FLYWCH1: variants seen among roughly 807,000 people sequenced by gnomAD.
The protein encoded by FLYWCH1 is FLYWCH-type zinc finger-containing protein 1.
Under a neutral mutation model 66.4 loss-of-function variants are expected in FLYWCH1, and 75 were observed. The ratio of observed to expected loss-of-function variants is 1.13; its 90% CI spans 0.94 to 1.37. The LOEUF (loss-of-function observed/expected upper bound fraction) is 1.37, where lower values mean the gene tolerates loss of function less well. Among genes scored for constraint, FLYWCH1 ranks in the 40% most tolerant of loss-of-function variants. FLYWCH1 has a pLI of 0.00. For missense variants in FLYWCH1, 1,334 were observed against 1,001.8 expected, an observed-to-expected ratio of 1.33 and a Z score of -4.48; for synonymous variants, 595 against 429.9, an observed-to-expected ratio of 1.38 and a Z score of -4.75.
chr16:2,933,035 G>A, intron 4 of FLYWCH1, 95 bp from the exon 5 acceptor site: 1 of 1,114,786 alleles, frequency 9.0e-7, no homozygotes, highest in South Asian at 1.6e-5. Flanking sequence ...CCTTAAAGGA[G>A]AAAGGCTCGT....
At position 2,930,499 on chromosome 16, in the gene FLYWCH1, G is replaced by A. The variant is rs777892980; in HGVS notation, c.415G>A (p.Val139Met). The A allele has an allele frequency of 1.0e-5, 16 of 1,534,628 alleles. No homozygotes were observed. In the African/African-American group the frequency reaches 2.0e-4, roughly 19 times the overall value. Residue 139 changes from valine to methionine, a missense_variant, in exon 4 of 10, where the codon GTG becomes ATG. Val to Met is a conservative substitution (Grantham distance 21). Coordinates refer to ENST00000253928, the MANE Select transcript of FLYWCH1 (RefSeq NM_001308068.2). ...CTTCCTGTACAAGCAGGAGAAGGCAGTGGGGGACAAGGTGTACTGGAAGTG... is the reference window on the plus strand; with the variant it reads ...CTTCCTGTACAAGCAGGAGAAGGCAATGGGGGACAAGGTGTACTGGAAGTG... Reference protein sequence around the residue: ...ESFLYKQEKAVGDKVYWKCRQ... With the variant: ...ESFLYKQEKAMGDKVYWKCRQ...
At position 2,930,561 on chromosome 16, in the gene FLYWCH1, C is replaced by T. The variant is rs1254533381; in HGVS notation, c.477C>T (p.Ala159=). ...CTGAGCTGGGCTGCCGGGGCCGGGC[C>T]ATCACCCGAGGCCTGCGGGCCACAG... ...QHAELGCRGR[A]ITRGLRATVM... Residue 159 remains alanine, a synonymous_variant, in exon 4 of 10, where the codon GCC becomes GCT. Coordinates refer to ENST00000253928, the MANE Select transcript of FLYWCH1 (RefSeq NM_001308068.2). 1.9e-6 allele frequency: 3 copies of T among 1,553,576 alleles called. No homozygotes were observed. Among genetic ancestry groups the T allele is most frequent in the Non-Finnish European group, 1.7e-6 (2 of 1,152,262 alleles).
At position 2,936,969 on chromosome 16, in the gene FLYWCH1, TGGG is replaced by T. The variant is rs946440961; in HGVS notation, c.1514-148_1514-146del. ...CCAGCAGCTGGAGCCCCAGCAGAGT[TGGG>T]GGGATGGTGGCATCTGTGTCCTGGG... On this transcript the variant is annotated intron_variant, in intron 6 of 9. Coordinates refer to ENST00000253928, the MANE Select transcript of FLYWCH1 (RefSeq NM_001308068.2). 7.2e-6 allele frequency: 7 copies of T among 970,988 alleles called. No homozygotes were observed. The African/African-American group carries it at 9.9e-5, about 14-fold the overall frequency. 60.1% of individuals were successfully genotyped at this position (970,988 alleles called of 1,614,324 possible). A position where few individuals can be genotyped will look rare whatever the true frequency, so the allele number is the denominator to read the frequency against.
chr16:2,913,338 CA>C (rs1174208730), intron 1 of FLYWCH1: 3 of 152,138 alleles, frequency 2.0e-5, no homozygotes, highest in Non-Finnish European at 2.9e-5. Context: ...TTTGAGGATG[CA>C]TTAGGCTGTG....
intron 7 of FLYWCH1, 61 bp from the exon 8 acceptor site, chr16:2,938,123 A>AC: frequency 2.0e-6 from 3 of 1,513,982 alleles, no homozygotes; most frequent in Non-Finnish European, 2.7e-6. Context: ...TACAAATCAG[A>AC]CCCCCAGCCC....
intron 2 of FLYWCH1, among the ~76,000 whole-genome samples, chr16:2,914,863 C>T (rs901303754): frequency 6.9e-6 from 1 of 145,706 alleles, no homozygotes; most frequent in Non-Finnish European, 1.5e-5. Context: ...GAGACAGGAT[C>T]GAGCCACTGC....
At chr16:2,939,795 T>G in intron 8 of FLYWCH1, 1 of 428,002 alleles carries the variant, frequency 2.3e-6, no homozygotes, top group Non-Finnish European at 4.2e-6. Flanking sequence ...TCATCTTTGA[T>G]GTCTAGTTGA....
At position 2,933,040 on chromosome 16, in the gene FLYWCH1, G is replaced by A. The variant is rs200154264; in HGVS notation, c.797-90G>A. 3 of 1,151,832 alleles carry A rather than the reference G, an allele frequency of 2.6e-6. No homozygotes were observed. In the East Asian group the frequency reaches 7.5e-5, roughly 29 times the overall value. 71.4% of individuals were successfully genotyped at this position (1,151,832 alleles called of 1,614,324 possible). ...TAAATTTCAGCCTTAAAGGAGAAAG[G>A]CTCGTGTCAGCCCCCACAGTCTGCA... On this transcript the variant is annotated intron_variant, in intron 4 of 9. Coordinates refer to ENST00000253928, the MANE Select transcript of FLYWCH1 (RefSeq NM_001308068.2).
chr16:2,947,850 CAG>C (rs1459531746), intron 9 of FLYWCH1, among the ~76,000 whole-genome samples: 14 of 151,000 alleles, frequency 9.3e-5, no homozygotes, highest in African/African-American at 3.2e-4. Context: ...TTGAGCAACA[CAG>C]GGAGAACCCC....
At position 2,917,662 on chromosome 16, in the gene FLYWCH1, G is replaced by A. The variant is rs572247848; in HGVS notation, c.-74+3373G>A. Among the ~76,000 whole-genome samples, 7 of 152,186 alleles carry A rather than the reference G, an allele frequency of 4.6e-5. No homozygotes were observed. In the East Asian group the frequency reaches 5.8e-4, roughly 13 times the overall value. Reference sequence around the variant, plus strand: ...ACCTCAGGTGTTGCTTAGGTTCGTCGCTTAGCTGCAGTCTTCTGTTTCCCA... The same window carrying A: ...ACCTCAGGTGTTGCTTAGGTTCGTCACTTAGCTGCAGTCTTCTGTTTCCCA... On this transcript the variant is annotated intron_variant, in intron 2 of 9. Transcript: ENST00000253928.
chr16:2,932,903 G>A (rs540359470), intron 4 of FLYWCH1, among the ~76,000 whole-genome samples: 2 of 151,370 alleles, frequency 1.3e-5, no homozygotes, highest in Admixed American at 6.6e-5. Flanking sequence ...AGCTGGGGTG[G>A]CCTCACTGAC....
chr16:2,943,956 TAGCTGTGTGTGGTGGTACATGCCC>T (rs2071374699), intron 9 of FLYWCH1, among the ~76,000 whole-genome samples: 4 of 151,816 alleles, frequency 2.6e-5, no homozygotes, highest in Non-Finnish European at 5.9e-5. Flanking sequence ...ATTTAAAAAT[TAGCTGTGTGTGGTGGTACATGCCC>T]AGCTACTTCG....
chr16:2,944,805 G>A (rs983035772), intron 9 of FLYWCH1, among the ~76,000 whole-genome samples: 1 of 150,872 alleles, frequency 6.6e-6, no homozygotes, highest in East Asian at 1.9e-4. Flanking sequence ...CTGGGCAACA[G>A]AGTGAGACTC....
Position 2,933,956 on chromosome 16 carries a change from A to C in FLYWCH1, c.1490A>C (p.Asn497Thr), listed in dbSNP as rs199995819. Residue 497 changes from asparagine to threonine, a missense_variant, in exon 6 of 10, where the codon AAC becomes ACC. Coordinates refer to ENST00000253928, the MANE Select transcript of FLYWCH1 (RefSeq NM_001308068.2). ...EALRQREKRP[N>T]TAQRGSPGGP... ...CTGAGGCAGCGGGAGAAACGCCCCA[A>C]CACGGCGCAGCGGGGGAGCCCAGGT... 1 of 1,553,210 alleles carries C rather than the reference A, an allele frequency of 6.4e-7. No homozygotes were observed. The highest frequency in any genetic ancestry group is 1.2e-5 in the South Asian group (1 of 84,644).
chr16:2,916,133 G>A (rs1425607254), intron 2 of FLYWCH1, among the ~76,000 whole-genome samples: 1 of 152,000 alleles, frequency 6.6e-6, no homozygotes, highest in Non-Finnish European at 1.5e-5. Flanking sequence ...GATCACTTGA[G>A]GTCAGAAGTT....
intron 2 of FLYWCH1, among the ~76,000 whole-genome samples, chr16:2,922,142 C>T (rs976524015): frequency 3.0e-4 from 45 of 152,034 alleles, no homozygotes; most frequent in Admixed American, 2.8e-3. Context: ...ACTTTAGTTA[C>T]TAGAAAATCT....
intron 2 of FLYWCH1, among the ~76,000 whole-genome samples, chr16:2,921,193 G>T (rs2070362525): frequency 6.6e-6 from 1 of 152,108 alleles, no homozygotes; most frequent in Admixed American, 6.6e-5. Flanking sequence ...AATACCATAT[G>T]ATTTCTCCAT....
Position 2,924,299 on chromosome 16 carries a change from C to G in FLYWCH1, c.-73-5314C>G, listed in dbSNP as rs1009041725. ...TGAGCCGAGATCCGAGCACTGCACT[C>G]TAGCCTGGGTGACAGAGCGAGACTC... On this transcript the variant is annotated intron_variant, in intron 2 of 9. Transcript: ENST00000253928. Among the ~76,000 whole-genome samples, 4 of 150,554 alleles carry G rather than the reference C, an allele frequency of 2.7e-5. No individual in the cohort carries two copies. In the Admixed American group the frequency reaches 2.7e-4, roughly 10 times the overall value.
intron 2 of FLYWCH1, among the ~76,000 whole-genome samples, chr16:2,923,357 C>T (rs990087899): frequency 1.3e-5 from 2 of 152,222 alleles, no homozygotes; most frequent in Non-Finnish European, 1.5e-5. Flanking sequence ...AGCGATTCTC[C>T]TGCCTCAGCC....
Sources: allele counts gnomAD v4.1 joint callset (sites outside exome capture counted in the v4.1 genomes callset), GRCh38; gene constraint gnomAD v4.1.1; transcripts MANE v1.5; gene names NCBI Gene and HGNC (gene_info 2026-07-23, HGNC 2026-07-21).